AKR1C3: variants seen among roughly 807,000 people sequenced by gnomAD.
The protein encoded by AKR1C3 is 3-alpha hydroxysteroid dehydrogenase, type II.
In AKR1C3, 48 loss-of-function variants were observed where a neutral mutation model predicts 43.6. That is an observed-to-expected ratio of 1.10 (90% CI 0.87 to 1.40). The LOEUF is 1.40. Ranked by LOEUF, AKR1C3 falls within the 40% of genes most tolerant of loss-of-function variation. The pLI is 0.00. For synonymous variants in AKR1C3, 162 were observed against 139.6 expected (o/e 1.16, Z -1.13); for missense variants, 482 against 391.2 (o/e 1.23, Z -1.96).
chr10:5,084,569 G>T (rs1447369340), intron 1 of AKR1C3, among the ~76,000 whole-genome samples: 4 of 152,112 alleles, frequency 2.6e-5, no homozygotes, highest in East Asian at 3.9e-4. Context: ...GGCTCTTTTT[G>T]GGTTCCATAT....
chr10:5,071,128 G>C (rs1439887251), intron 1 of AKR1C3, among the ~76,000 whole-genome samples: 1 of 152,136 alleles, frequency 6.6e-6, no homozygotes, highest in Non-Finnish European at 1.5e-5. Flanking sequence ...TGTGCTTTAT[G>C]TTGCTATAAC....
upstream of AKR1C3, chr10:5,048,806 AC>A: frequency 6.2e-7 from 1 of 1,613,292 alleles, no homozygotes. Flanking sequence ...CAGCTGAGTG[AC>A]AGTGATGGAT....
chr10:5,094,452 C>G lies in AKR1C3; in HGVS notation c.8C>G (p.Ser3Cys), dbSNP rs1174580279. The G allele has an allele frequency of 1.9e-6, 3 of 1,612,000 alleles. No individual in the cohort carries two copies. Among genetic ancestry groups the G allele is most frequent in the African/African-American group, 2.7e-5 (2 of 74,802 alleles). Residue 3 changes from serine to cysteine, a missense_variant, in exon 1 of 9, where the codon TCC becomes TGC. Ser to Cys is a moderately radical substitution (Grantham distance 112, BLOSUM62 -1). Coordinates refer to ENST00000380554, the MANE Select transcript of AKR1C3 (RefSeq NM_003739.6). MD[S>C]KHQCVKLNDG... ...TCAGACAAGTGACAGGGAATGGATT[C>G]CAAACACCAGTGTGTAAAGCTAAAT...
chr10:5,066,721 C>G (rs184431920), intron 1 of AKR1C3, among the ~76,000 whole-genome samples: 7 of 152,172 alleles, frequency 4.6e-5, no homozygotes, highest in Non-Finnish European at 8.8e-5. Context: ...AGTCTCATCT[C>G]CTTCACTGAA....
chr10:5,085,317 G>T (rs1248631415), intron 1 of AKR1C3, among the ~76,000 whole-genome samples: 3 of 151,740 alleles, frequency 2.0e-5, no homozygotes, highest in Admixed American at 2.0e-4. Context: ...GGCCTTTTCT[G>T]CATCTATTGA....
intron 1 of AKR1C3, among the ~76,000 whole-genome samples, chr10:5,050,837 A>G (rs1293678377): frequency 6.6e-6 from 1 of 152,220 alleles, no homozygotes; most frequent in African/African-American, 2.4e-5. Context: ...AAATTACCAA[A>G]TATGTTTCAT....
intron 5 of AKR1C3, chr10:5,099,772 G>T (rs1420313380): frequency 3.1e-6 from 1 of 325,888 alleles, no homozygotes; most frequent in African/African-American, 2.1e-5. Flanking sequence ...ACCAGAAAGT[G>T]CATGGGTGAA....
At chr10:5,096,169 G>T in intron 1 of AKR1C3, 1 of 391,150 alleles carries the variant, frequency 2.6e-6, no homozygotes, top group Non-Finnish European at 4.6e-6. Flanking sequence ...CACTGAATCT[G>T]AGGGTGTTAT....
At chr10:5,052,634 A>C (rs1838175884) in intron 1 of AKR1C3, among the ~76,000 whole-genome samples, 1 of 151,850 alleles carries the variant, frequency 6.6e-6, no homozygotes, top group Non-Finnish European at 1.5e-5. Context: ...CACGGTGCTA[A>C]TTGGTGTGTT....
intron 5 of AKR1C3, among the ~76,000 whole-genome samples, chr10:5,100,514 G>T (rs1839320275): frequency 6.6e-6 from 1 of 151,956 alleles, no homozygotes; most frequent in East Asian, 1.9e-4. Flanking sequence ...TTCCCCCTGA[G>T]TTATTGTTAA....
Position 5,102,553 on chromosome 10 carries a change from G to A in AKR1C3, c.749G>A (p.Arg250Gln), listed in dbSNP as rs562560936. The A allele has an allele frequency of 1.3e-5, 21 of 1,571,768 alleles. No homozygotes were observed. The East Asian group carries it at 1.8e-4, about 14-fold the overall frequency. ...VLCALAKKHK[R>Q]TPALIALRYQ... ...TGTGCCTTGGCAAAAAAGCACAAGC[G>A]AACCCCAGCCCTGATTGCCCTGCGC... is the stretch of plus-strand genomic sequence containing the variant. The change falls in exon 7 of 9, where the codon CGA becomes CAA. Residue 250 changes from arginine (R) to glutamine (Q), a missense_variant. Physicochemically the swap from Arg to Gln is conservative, Grantham distance 43. Transcript: ENST00000380554.
intron 7 of AKR1C3, among the ~76,000 whole-genome samples, chr10:5,104,017 T>C (rs1554786606): frequency 6.6e-6 from 1 of 152,058 alleles, no homozygotes. Context: ...GTATTAATCG[T>C]TTAGAGATTT....
chr10:5,085,415 A>G (rs1860076107), intron 1 of AKR1C3, among the ~76,000 whole-genome samples: 1 of 152,022 alleles, frequency 6.6e-6, no homozygotes, highest in South Asian at 2.1e-4. Flanking sequence ...CTTGCATCCC[A>G]GGGATGAAGC....
rs190270479 is a variant in AKR1C3 at position 5,096,079 on chromosome 10, A to G, written c.85-331A>G. ...TTGCACCGTTTCCCTTCTATACTCCATGTGATTTTTACCATGTATAATATC... is the reference window on the plus strand; with the variant it reads ...TTGCACCGTTTCCCTTCTATACTCCGTGTGATTTTTACCATGTATAATATC... On this transcript the variant is annotated intron_variant, in intron 1 of 8. Coordinates refer to ENST00000380554, the MANE Select transcript of AKR1C3 (RefSeq NM_003739.6). The G allele has an allele frequency of 4.6e-4, 88 of 191,770 alleles. 1 individual carries two copies. The South Asian group carries it at 0.01, about 23-fold the overall frequency. 11.9% of individuals were successfully genotyped at this position (191,770 alleles called of 1,614,324 possible).
rs556597525 is a variant in AKR1C3 at position 5,086,117 on chromosome 10, G to C, written c.85-10293G>C. Reference sequence around the variant, plus strand: ...CTTAGTTATTTCTTGCCTTCTGCTAGCTTTTGAATATGTTTGCTCTTGCTT... The same window carrying C: ...CTTAGTTATTTCTTGCCTTCTGCTACCTTTTGAATATGTTTGCTCTTGCTT... On this transcript the variant is annotated intron_variant, in intron 1 of 8. Coordinates refer to the AKR1C3 transcript ENST00000439082. Among the ~76,000 whole-genome samples, 7 of 151,854 alleles carry C rather than the reference G, an allele frequency of 4.6e-5. 1 individual carries two copies. The highest frequency in any genetic ancestry group is 1.5e-4 in the African/African-American group (6 of 41,218).
chr10:5,103,855 C>CAGGGACATGTGAGTGTTGG, intron 7 of AKR1C3, among the ~76,000 whole-genome samples: 1 of 152,086 alleles, frequency 6.6e-6, no homozygotes, highest in South Asian at 2.1e-4. Context: ...CAAGTGGATA[C>CAGGGACATGTGAGTGTTGG]AGGGACATGT....
chr10:5,055,704 G>A (rs1001814002), intron 1 of AKR1C3, among the ~76,000 whole-genome samples: 1 of 152,128 alleles, frequency 6.6e-6, no homozygotes, highest in Non-Finnish European at 1.5e-5. Context: ...TTTGTCCTGT[G>A]GGAAGGCTTA....
chr10:5,053,537 A>T (rs1478257816), intron 1 of AKR1C3, among the ~76,000 whole-genome samples: 1 of 152,204 alleles, frequency 6.6e-6, no homozygotes. Context: ...CCAGCCCAGA[A>T]AGGGGCTCCC....
chr10:5,085,344 T>C (rs1838938479), intron 1 of AKR1C3, among the ~76,000 whole-genome samples: 1 of 152,012 alleles, frequency 6.6e-6, no homozygotes, highest in South Asian at 2.1e-4. Context: ...CATGTGGTTT[T>C]TGTCTTTGGT....
Sources: allele counts gnomAD v4.1 joint callset (sites outside exome capture counted in the v4.1 genomes callset), GRCh38; gene constraint gnomAD v4.1.1; transcripts MANE v1.5; gene names NCBI Gene and HGNC (gene_info 2026-07-23, HGNC 2026-07-21).